The following TOP1MT variants were observed in gnomAD, a reference collection of about 807,000 sequenced individuals.
TOP1MT encodes the protein DNA topoisomerase I, mitochondrial.
A neutral mutation model predicts 73.9 loss-of-function variants in TOP1MT; 80 were observed. The observed-to-expected ratio is 1.08, with a 90% CI of 0.90 to 1.30. The LOEUF (loss-of-function observed/expected upper bound fraction) is 1.30, where lower values mean the gene tolerates loss of function less well. Ranked by LOEUF, TOP1MT falls within the 50% of genes most tolerant of loss-of-function variation. TOP1MT has a pLI of 0.00. For missense variants in TOP1MT, 815 were observed against 808.0 expected (o/e 1.01, Z -0.10); for synonymous variants, 338 against 326.4 (o/e 1.04, Z -0.38).
At chr8:143,321,170 T>C in intron 8 of TOP1MT, 31 bp downstream of exon 8, 7 of 1,538,612 alleles carry the variant, frequency 4.5e-6, no homozygotes, top group Non-Finnish European at 5.3e-6. Context: ...ACGTGTCACA[T>C]AGCGGGGGCA....
At chr8:143,317,563 G>A (rs1193089975) in intron 10 of TOP1MT, among the ~76,000 whole-genome samples, 160 bp downstream of exon 10, 3 of 152,198 alleles carry the variant, frequency 2.0e-5, no homozygotes, top group African/African-American at 7.2e-5. Flanking sequence ...CCAGGACTCT[G>A]GCCACCTAGG....
chr8:143,329,526 A>AG, intron 2 of TOP1MT, 55 bp from the exon 3 acceptor site: 1 of 1,583,096 alleles, frequency 6.3e-7, no homozygotes, highest in South Asian at 1.2e-5. Flanking sequence ...CTCGGCCTCC[A>AG]GCTGACATGA....
chr8:143,322,496 C>CA (rs2130112623), intron 7 of TOP1MT, among the ~76,000 whole-genome samples: 1 of 128,410 alleles, frequency 7.8e-6, no homozygotes. Context: ...CACACGCACG[C>CA]CACACACACA....
chr8:143,313,872 A>AC (rs1234554420), intron 12 of TOP1MT, among the ~76,000 whole-genome samples: 1 of 151,840 alleles, frequency 6.6e-6, no homozygotes, highest in African/African-American at 2.4e-5. Context: ...AAAAAAAAAA[A>AC]AAGAAAGAAC....
Position 143,324,528 on chromosome 8 carries a change from T to C in TOP1MT, c.773A>G (p.Asn258Ser). Reference sequence around the variant, plus strand: ...GTTCAGCATGATGTACTTGATGGAGTTCTGAACGCTCTCGGTCCAAGCTGC... The same window carrying C: ...GTTCAGCATGATGTACTTGATGGAGCTCTGAACGCTCTCGGTCCAAGCTGC... Reference protein sequence around the residue: ...WLAAWTESVQNSIKYIMLNPC... With the variant: ...WLAAWTESVQSSIKYIMLNPC... The change falls in exon 6 of 14, where the codon AAC (asparagine) becomes AGC (serine). Residue 258 changes from asparagine to serine, a missense_variant. Around this residue, in one of 3 missense-constraint regions of TOP1MT, gnomAD observed 751 missense variants for 725.4 expected, o/e 1.04. Transcript: ENST00000329245. 6.2e-7 allele frequency: 1 copy of C among 1,613,898 alleles called. No homozygotes were observed. Among genetic ancestry groups the C allele is most frequent in the Non-Finnish European group, 8.5e-7 (1 of 1,180,004 alleles).
chr8:143,347,875 G>A (rs1036910619), upstream of TOP1MT, among the ~76,000 whole-genome samples: 1 of 152,210 alleles, frequency 6.6e-6, no homozygotes, highest in Non-Finnish European at 1.5e-5. Context: ...GCACCGAGGT[G>A]AGGACGGGTA....
At chr8:143,356,311 A>C (rs1586788909), upstream of TOP1MT, among the ~76,000 whole-genome samples, 1 of 152,360 alleles carries the variant, frequency 6.6e-6, no homozygotes, top group East Asian at 1.9e-4. Flanking sequence ...ACAAGCGTGC[A>C]GTCCCCACAC....
At chr8:143,315,575 T>C in intron 12 of TOP1MT, 152 bp downstream of exon 12, 1 of 637,012 alleles carries the variant, frequency 1.6e-6, no homozygotes, top group Non-Finnish European at 2.7e-6. Flanking sequence ...CTGTCCTTTC[T>C]TTTATCTCTT....
upstream of TOP1MT, among the ~76,000 whole-genome samples, chr8:143,348,531 G>T (rs1296617247): frequency 6.6e-6 from 1 of 151,926 alleles, no homozygotes; most frequent in East Asian, 1.9e-4. The surrounding 1 kb of genome is among the most constrained non-coding windows in gnomAD (Gnocchi z 4.6). Context: ...CCCTGCAGGG[G>T]TGTGGCAGGA....
chr8:143,358,494 G>C (rs1312868455), upstream of TOP1MT: 1 of 152,222 alleles, frequency 6.6e-6, no homozygotes, highest in Non-Finnish European at 1.5e-5. Flanking sequence ...ACAAGAGCTG[G>C]GCAAGCAGGT....
At chr8:143,352,781 T>C (rs1485286775) in intron 1 of TOP1MT, among the ~76,000 whole-genome samples, 5 of 152,208 alleles carry the variant, frequency 3.3e-5, no homozygotes, top group African/African-American at 1.2e-4. Flanking sequence ...CTCACCACAA[T>C]GTCCAGCTGA....
rs113743928 is a variant in TOP1MT, at chr8:143,330,380, G to A, written c.238+844C>T. On this transcript the variant is annotated intron_variant, in intron 2 of 13. Transcript: ENST00000329245. Reference sequence around the variant, plus strand: ...CTACACCAGGCCAGGGGCACAGCGCGAGACGCTCAGTAAGGTCCCATGGCC... The same window carrying A: ...CTACACCAGGCCAGGGGCACAGCGCAAGACGCTCAGTAAGGTCCCATGGCC... 7.8e-4 allele frequency among the ~76,000 whole-genome samples: 119 copies of A among 152,374 alleles called. 2 individuals carry two copies. Among genetic ancestry groups the A allele is most frequent in the South Asian group, 6.2e-4 (3 of 4,832 alleles).
At chr8:143,322,058 G>A (rs1816431603) in intron 7 of TOP1MT, among the ~76,000 whole-genome samples, 1 of 79,540 alleles carries the variant, frequency 1.3e-5, no homozygotes. Flanking sequence ...ACACACACAG[G>A]CACGCCACAC....
At chr8:143,322,171 C>T (rs1816442549) in intron 7 of TOP1MT, among the ~76,000 whole-genome samples, 1 of 74,152 alleles carries the variant, frequency 1.3e-5, no homozygotes. Flanking sequence ...CACACGCATG[C>T]CACACGCACG....
chr8:143,343,556 C>T (rs1050155848), intron 1 of TOP1MT: 2 of 273,610 alleles, frequency 7.3e-6, no homozygotes, highest in South Asian at 3.7e-5. Flanking sequence ...CTCCCGGCCT[C>T]GGGAAGAGTG....
Position 143,324,001 on chromosome 8 carries a change from T to C in TOP1MT, c.958A>G (p.Lys320Glu), listed in dbSNP as rs1244075615. ...CAGGAAGCGAGAAGGCCGCATACCT[T>C]ATCGATGAAATACAGGGCCACCGCC... ...QRAVALYFIDKLALRAGNEKE... is the reference protein window; with the variant it reads ...QRAVALYFIDELALRAGNEKE... Residue 320 changes from lysine (K) to glutamate (E), a missense_variant and splice_region_variant, in exon 7 of 14, where the codon AAG (lysine) becomes GAG (glutamate). Physicochemically the swap from Lys to Glu is moderately conservative, Grantham distance 56. Transcript: ENST00000329245. The C allele has an allele frequency of 1.2e-6, 2 of 1,613,610 alleles. No individual in the cohort carries two copies. Among genetic ancestry groups the C allele is most frequent in the South Asian group, 2.2e-5 (2 of 91,078 alleles).
chr8:143,358,291 C>T (rs961536817), upstream of TOP1MT, among the ~76,000 whole-genome samples: 12 of 152,134 alleles, frequency 7.9e-5, no homozygotes, highest in African/African-American at 1.7e-4. Flanking sequence ...AAAGAAGAAA[C>T]GGCAACACCA....
chr8:143,338,305 C>T (rs945903511), upstream of TOP1MT, among the ~76,000 whole-genome samples: 5 of 151,996 alleles, frequency 3.3e-5, no homozygotes, highest in East Asian at 1.9e-4. Context: ...TGGTGGCTCA[C>T]GCCTGTAATC....
At chr8:143,340,345 C>T (rs1346931419) in intron 2 of TOP1MT, among the ~76,000 whole-genome samples, 1 of 151,264 alleles carries the variant, frequency 6.6e-6, no homozygotes, top group Non-Finnish European at 1.5e-5. Flanking sequence ...ACACAGCATT[C>T]CCACCACCCC....
Sources: gnomAD v4.1 joint callset for allele counts (sites outside exome capture counted in the v4.1 genomes callset) on GRCh38, gnomAD v4.1.1 for gene constraint, gnomAD v4.1.1 regional missense constraint, Gnocchi (gnomAD v3.1) non-coding constraint, MANE v1.5 for transcripts, NCBI Gene and HGNC (gene_info 2026-07-23, HGNC 2026-07-21) for gene names.